The following MDN1 variants were observed in gnomAD, a reference collection of about 807,000 sequenced individuals.
MDN1 encodes midasin AAA ATPase 1.
Under a neutral mutation model 669.2 loss-of-function variants are expected in MDN1, and 266 were observed. The ratio of observed to expected loss-of-function variants is 0.40; its 90% CI spans 0.36 to 0.44. The LOEUF (loss-of-function observed/expected upper bound fraction) is 0.44, where lower values mean the gene tolerates loss of function less well. Ranked by LOEUF, MDN1 falls within the 20% of genes least tolerant of loss-of-function variation. The pLI is 1.00. For synonymous variants in MDN1, 2,385 were observed against 2,457.1 expected (o/e 0.97, Z 0.87); for missense variants, 5,940 against 6,754.0 (o/e 0.88, Z 4.22).
In MDN1 at chr6:89,749,710, A is replaced by T. The variant is rs200180460; in HGVS notation, c.3448T>A (p.Leu1150Ile). 5.6e-6 allele frequency: 9 copies of T among 1,613,736 alleles called. No individual in the cohort carries two copies. The highest frequency in any genetic ancestry group is 6.8e-6 in the Non-Finnish European group (8 of 1,179,754). The change falls in exon 25 of 102, where the codon TTA becomes ATA. Residue 1150 changes from leucine to isoleucine, a missense_variant. This residue lies in a region of MDN1 where 2,292 missense variants were observed against 2,638.3 expected (regional missense o/e 0.87). Coordinates refer to ENST00000369393, the MANE Select transcript of MDN1 (RefSeq NM_014611.3). ...DAMRKGYWII[L>I]DELNLAPTDV... ...GTAGGGGCCAAATTTAATTCATCTAAAATAATCCAATAGCCTTTTCTCATG... is the reference window on the plus strand; with the variant it reads ...GTAGGGGCCAAATTTAATTCATCTATAATAATCCAATAGCCTTTTCTCATG...
intron 93 of MDN1, among the ~76,000 whole-genome samples, chr6:89,653,868 G>C (rs1258485291): frequency 6.6e-6 from 1 of 152,144 alleles, no homozygotes; most frequent in Admixed American, 6.5e-5. Context: ...CATCATAGCT[G>C]TAGTAAGTGT....
intron 14 of MDN1, 39 bp downstream of exon 14, chr6:89,772,534 G>A (rs774945272): frequency 1.3e-6 from 2 of 1,594,486 alleles, no homozygotes; most frequent in Non-Finnish European, 1.7e-6. Flanking sequence ...TAGTCAGTGT[G>A]AAATATCTGG....
Position 89,790,234 on chromosome 6 carries a change from A to G in MDN1, c.1023T>C (p.Tyr341=), listed in dbSNP as rs1472706411. 2 of 1,614,170 alleles carry G rather than the reference A, an allele frequency of 1.2e-6. No homozygotes were observed. Among genetic ancestry groups the G allele is most frequent in the Non-Finnish European group, 1.7e-6 (2 of 1,180,026 alleles). ...TTGTTCTACCTGTCACTGCAGCTAA[A>G]TATTCAACTAAGGAAGTTTTGCCAC... ...IGCGKTSLVE[Y]LAAVTGRTKP... Residue 341 remains tyrosine, a synonymous_variant, in exon 6 of 102, where the codon TAT becomes TAC. Transcript: ENST00000369393.
In MDN1 at chr6:89,672,719, T is replaced by TCCTA; in HGVS notation, c.13475-18_13475-17insTAGG. The TCCTA allele has an allele frequency of 6.2e-7, 1 of 1,610,872 alleles. No individual in the cohort carries two copies. On this transcript the variant is annotated splice_polypyrimidine_tract_variant and intron_variant, in intron 80 of 101. Transcript: ENST00000369393. The stretch of plus-strand genomic sequence containing the variant: ...TTTGATTTCCTAGCAGGTAACATGG[T>TCCTA]GCAAAACAAACATACAAACAAAAGA...
At chr6:89,729,165 G>A in intron 35 of MDN1, 26 bp from the exon 36 acceptor site, 2 of 1,575,392 alleles carry the variant, frequency 1.3e-6, no homozygotes, top group Non-Finnish European at 8.6e-7. Flanking sequence ...GTAAAGTCAT[G>A]TATAAGCGGG....
chr6:89,716,520 T>C (rs1397949373), intron 44 of MDN1, 130 bp downstream of exon 44: 6 of 943,734 alleles, frequency 6.4e-6, no homozygotes, highest in Non-Finnish European at 9.2e-6. Flanking sequence ...CTACAGAATA[T>C]GGCTGAGGAC....
At chr6:89,677,768 T>G in intron 75 of MDN1, 72 bp from the exon 76 acceptor site, 1 of 1,597,872 alleles carries the variant, frequency 6.3e-7, no homozygotes. Flanking sequence ...TCTCCCCTGC[T>G]ACTCAAAGCA....
Position 89,683,000 on chromosome 6 carries a change from T to C in MDN1, c.12102+132A>G, listed in dbSNP as rs574161781. 1.4e-4 allele frequency: 128 copies of C among 888,060 alleles called. No individual in the cohort carries two copies. The African/African-American group carries it at 1.9e-3, about 13-fold the overall frequency. The allele number at this position is 888,060 out of a possible 1,614,324, so 55.0% of individuals were successfully genotyped here. Reference sequence around the variant, plus strand: ...TCTGCAGGGAAGTCAGGCAAATACATGCTATATATGTCCAAAGAACAAGAT... The same window carrying C: ...TCTGCAGGGAAGTCAGGCAAATACACGCTATATATGTCCAAAGAACAAGAT... On this transcript the variant is annotated intron_variant, in intron 73 of 101. Transcript: ENST00000369393.
At chr6:89,668,276 A>G (rs767839110) in intron 83 of MDN1, 125 bp from the exon 84 acceptor site, 4 of 1,191,694 alleles carry the variant, frequency 3.4e-6, no homozygotes, top group Non-Finnish European at 4.6e-6. Flanking sequence ...CATTATCTTA[A>G]ATCCGCTGGA....
At chr6:89,664,993 T>C (rs1325071989) in intron 84 of MDN1, among the ~76,000 whole-genome samples, 1 of 152,168 alleles carries the variant, frequency 6.6e-6, no homozygotes, top group Non-Finnish European at 1.5e-5. Flanking sequence ...AGAATCTTGG[T>C]CATTCTTCCT....
At chr6:89,735,566 G>A (rs1404318895) in intron 33 of MDN1, among the ~76,000 whole-genome samples, 1 of 151,828 alleles carries the variant, frequency 6.6e-6, no homozygotes, top group Non-Finnish European at 1.5e-5. Context: ...TGGTCATACT[G>A]TGAATATATG....
At chr6:89,682,621 T>G (rs1036170253) in intron 73 of MDN1, among the ~76,000 whole-genome samples, 22 of 145,162 alleles carry the variant, frequency 1.5e-4, no homozygotes, top group Middle Eastern at 7.5e-3. Context: ...GGCAGGAGAA[T>G]GGCATGAACC....
intron 19 of MDN1, 94 bp from the exon 20 acceptor site, chr6:89,756,484 A>C: frequency 3.0e-5 from 18 of 606,434 alleles, no homozygotes; most frequent in East Asian, 1.1e-4. Flanking sequence ...ATGTCAGCTC[A>C]TTTTAACTGC....
At chr6:89,757,846 C>T (rs1156688220) in intron 19 of MDN1, among the ~76,000 whole-genome samples, 1 of 151,950 alleles carries the variant, frequency 6.6e-6, no homozygotes, top group Non-Finnish European at 1.5e-5. Flanking sequence ...GAGTTCAAGA[C>T]CAGCCTGGCC....
At position 89,673,230 on chromosome 6, in the gene MDN1, C is replaced by T; in HGVS notation, c.13474+6G>A. ...TTTCATTCCCTGACTGAACAATATT[C>T]CTTACCTCCTTGGCTATCTGAAGTA... is the stretch of plus-strand genomic sequence containing the variant. On this transcript the variant is annotated splice_donor_region_variant and intron_variant, in intron 80 of 101. Coordinates refer to ENST00000369393, the MANE Select transcript of MDN1 (RefSeq NM_014611.3). 1 of 1,607,750 alleles carries T rather than the reference C, an allele frequency of 6.2e-7. No homozygotes were observed. The highest frequency in any genetic ancestry group is 2.2e-5 in the East Asian group (1 of 44,832).
At chr6:89,688,349 C>A (rs756325603) in intron 66 of MDN1, among the ~76,000 whole-genome samples, 176 bp from the exon 67 acceptor site, 1 of 151,956 alleles carries the variant, frequency 6.6e-6, no homozygotes, top group Non-Finnish European at 1.5e-5. Context: ...AACTCCTGAC[C>A]AACAAATAAA....
rs749520584 is a variant in MDN1, at chr6:89,644,201, CA to C, written c.16603-9del. ...AATGTCCAAGATAGAATCCTGTCAA[CA>C]AAAGACATTTTGAAATGGGGAGGCA... is the stretch of plus-strand genomic sequence containing the variant. On this transcript the variant is annotated splice_polypyrimidine_tract_variant and intron_variant, in intron 101 of 101. Coordinates refer to ENST00000369393, the MANE Select transcript of MDN1 (RefSeq NM_014611.3). 7 of 1,598,172 alleles carry C rather than the reference CA, an allele frequency of 4.4e-6. No homozygotes were observed. The highest frequency in any genetic ancestry group is 2.7e-5 in the African/African-American group (2 of 74,288).
chr6:89,655,682 C>T (rs1170596261), intron 92 of MDN1, 82 bp downstream of exon 92: 13 of 1,258,024 alleles, frequency 1.0e-5, no homozygotes, highest in South Asian at 2.9e-5. Context: ...CCCACAAATA[C>T]GTATCATTAT....
chr6:89,714,521 G>A, intron 46 of MDN1, 22 bp downstream of exon 46: 2 of 1,556,272 alleles, frequency 1.3e-6, no homozygotes, highest in South Asian at 1.2e-5. Flanking sequence ...CTCTGCAAAG[G>A]CCCAAAAGTC....
Sources: allele counts gnomAD v4.1 joint callset (sites outside exome capture counted in the v4.1 genomes callset), GRCh38; gene constraint gnomAD v4.1.1; regional missense constraint gnomAD v4.1.1; transcripts MANE v1.5; gene names NCBI Gene and HGNC (gene_info 2026-07-23, HGNC 2026-07-21).